TMPRSS11F: variants seen among roughly 807,000 people sequenced by gnomAD.
The protein encoded by TMPRSS11F is transmembrane protease serine 11F.
TMPRSS11F carries 47 observed loss-of-function variants against 60.2 expected under a neutral mutation model. That is an observed-to-expected ratio of 0.78 (90% CI 0.62 to 1.00). The LOEUF is 1.00. Ranked by LOEUF, TMPRSS11F falls within the 50% of genes least tolerant of loss-of-function variation. The pLI, the probability that TMPRSS11F is intolerant of heterozygous loss-of-function variation, is 0.00. For synonymous variants in TMPRSS11F, 166 were observed against 167.3 expected, an observed-to-expected ratio of 0.99 and a Z score of 0.06; for missense variants, 519 against 522.9, an observed-to-expected ratio of 0.99 and a Z score of 0.07.
intron 1 of TMPRSS11F, among the ~76,000 whole-genome samples, chr4:68,115,149 A>G (rs1724489756): frequency 6.6e-6 from 1 of 151,616 alleles, no homozygotes; most frequent in South Asian, 2.1e-4. Context: ...GGAGATCGAG[A>G]CCATCCTGGC....
chr4:68,098,791 T>C, intron 2 of TMPRSS11F, 96 bp downstream of exon 2: 1 of 1,157,704 alleles, frequency 8.6e-7, no homozygotes, highest in Non-Finnish European at 1.2e-6. Flanking sequence ...ATTAAAATGT[T>C]AATATCATGC....
chr4:68,122,877 C>T lies in TMPRSS11F; in HGVS notation c.11+6933G>A, dbSNP rs185832110. Among the ~76,000 whole-genome samples, 194 of 152,294 alleles carry T rather than the reference C, an allele frequency of 1.3e-3. 1 individual carries two copies. Among genetic ancestry groups the T allele is most frequent in the African/African-American group, 4.5e-3 (187 of 41,558 alleles). On this transcript the variant is annotated intron_variant, in intron 1 of 9. Transcript: ENST00000356291. ...GGGAATGTTAGAATGACGCTTTAGT[C>T]TGAACTCCGACTTACCATTATCAGA...
intron 2 of TMPRSS11F, among the ~76,000 whole-genome samples, chr4:68,097,270 T>C (rs189717450): frequency 1.2e-3 from 190 of 152,360 alleles, no homozygotes; most frequent in South Asian, 5.8e-3. Flanking sequence ...ATATATCATA[T>C]GTGAGTTTTA....
chr4:68,081,459 G>A (rs1162329780), intron 3 of TMPRSS11F, among the ~76,000 whole-genome samples: 1 of 152,204 alleles, frequency 6.6e-6, no homozygotes, highest in Non-Finnish European at 1.5e-5. Flanking sequence ...GCTTTGAGGT[G>A]TGGAATCTTA....
At chr4:68,094,777 A>T (rs1045071417) in intron 2 of TMPRSS11F, among the ~76,000 whole-genome samples, 2 of 151,950 alleles carry the variant, frequency 1.3e-5, no homozygotes, top group African/African-American at 2.4e-5. Context: ...ACAGCTTTAG[A>T]TAATTGGGTT....
At chr4:68,115,859 CAAAT>C (rs1357891653) in intron 1 of TMPRSS11F, among the ~76,000 whole-genome samples, 1 of 151,866 alleles carries the variant, frequency 6.6e-6, no homozygotes, top group African/African-American at 2.4e-5. Context: ...TATGAAAAAT[CAAAT>C]AAAACCTTAA....
intron 1 of TMPRSS11F, among the ~76,000 whole-genome samples, chr4:68,126,208 G>A (rs1724709694): frequency 6.6e-6 from 1 of 151,984 alleles, no homozygotes; most frequent in Non-Finnish European, 1.5e-5. Context: ...TCTGATATGT[G>A]TATATACACA....
At chr4:68,069,786 G>A (rs1048617783) in intron 6 of TMPRSS11F, among the ~76,000 whole-genome samples, 183 bp downstream of exon 6, 2 of 151,078 alleles carry the variant, frequency 1.3e-5, no homozygotes, top group African/African-American at 2.4e-5. Context: ...AATTGTATTT[G>A]GTATAAATTT....
chr4:68,128,805 C>T (rs1311828814), intron 1 of TMPRSS11F, among the ~76,000 whole-genome samples: 4 of 151,992 alleles, frequency 2.6e-5, no homozygotes, highest in South Asian at 4.2e-4. Context: ...TATGCTATAT[C>T]ATGCTATCAT....
intron 9 of TMPRSS11F, among the ~76,000 whole-genome samples, chr4:68,057,531 G>A (rs560848690): frequency 2.0e-4 from 30 of 151,972 alleles, no homozygotes; most frequent in East Asian, 1.9e-4. Flanking sequence ...AAGCTTGCAC[G>A]GCAAACAAAA....
intron 3 of TMPRSS11F, among the ~76,000 whole-genome samples, chr4:68,086,261 G>A (rs1043322340): frequency 1.3e-5 from 2 of 152,060 alleles, no homozygotes; most frequent in African/African-American, 2.4e-5. Flanking sequence ...TAAGTAACTT[G>A]CTCCTGAATT....
chr4:68,064,880 G>C lies in TMPRSS11F; in HGVS notation c.820C>G (p.Arg274Gly), dbSNP rs775849038. The change falls in exon 8 of 10, where the codon CGA (arginine) becomes GGA (glycine). Residue 274 changes from arginine (R) to glycine (G), a missense_variant. By Grantham distance (125) the Arg-to-Gly change is moderately radical. Transcript: ENST00000356291. ...GATITPPAVK[R>G]NVRKIILHEN... ...TGAAGAATAATTTTCCTCACATTTC[G>C]TTTCACTGCGGGTGGTGTTATAGTT... The C allele has an allele frequency of 5.0e-6, 8 of 1,613,996 alleles. No individual in the cohort carries two copies. Among genetic ancestry groups the C allele is most frequent in the Non-Finnish European group, 6.8e-6 (8 of 1,179,972 alleles).
intron 2 of TMPRSS11F, among the ~76,000 whole-genome samples, chr4:68,091,753 C>CTATCTATCTATCTATCTATCTA (rs373692229): frequency 1.2e-4 from 12 of 100,954 alleles, no homozygotes; most frequent in South Asian, 3.4e-4. Context: ...TCTAATCTCT[C>CTATCTATCTATCTATCTATCTA]TCTCTCTCTC....
chr4:68,109,847 G>T (rs1272277679), intron 1 of TMPRSS11F, among the ~76,000 whole-genome samples: 1 of 152,136 alleles, frequency 6.6e-6, no homozygotes, highest in Non-Finnish European at 1.5e-5. Context: ...TGAAGTTGGT[G>T]AAGTGAATTC....
At position 68,068,820 on chromosome 4, in the gene TMPRSS11F, C is replaced by T. The variant is rs201354719; in HGVS notation, c.554-1G>A. On this transcript the variant is annotated splice_acceptor_variant, in intron 6 of 9. Coordinates refer to ENST00000356291, the MANE Select transcript of TMPRSS11F (RefSeq NM_207407.2). LOFTEE classifies it high-confidence loss of function. ...GAAGATGTCATCCTTATTCCACAGC[C>T]TGCCACAGAAATACATGATCATTCA... 6.2e-7 allele frequency: 1 copy of T among 1,613,906 alleles called. No homozygotes were observed.
At chr4:68,108,311 G>A (rs990789129) in intron 1 of TMPRSS11F, among the ~76,000 whole-genome samples, 5 of 152,158 alleles carry the variant, frequency 3.3e-5, no homozygotes, top group African/African-American at 9.7e-5. Flanking sequence ...CATTTTGAAA[G>A]TAGTGACATC....
intron 1 of TMPRSS11F, among the ~76,000 whole-genome samples, chr4:68,127,661 C>A (rs914991741): frequency 6.6e-6 from 1 of 152,066 alleles, no homozygotes; most frequent in Non-Finnish European, 1.5e-5. Flanking sequence ...TATTTTTGAC[C>A]ATGACCCACG....
At chr4:68,070,562 A>G (rs1214595818) in intron 5 of TMPRSS11F, among the ~76,000 whole-genome samples, 4 of 152,204 alleles carry the variant, frequency 2.6e-5, no homozygotes, top group Non-Finnish European at 5.9e-5. Context: ...AATGGCTTGG[A>G]TGGTTGTGGC....
intron 1 of TMPRSS11F, among the ~76,000 whole-genome samples, chr4:68,127,983 C>G (rs141089730): frequency 4.2e-4 from 64 of 152,148 alleles, no homozygotes; most frequent in African/African-American, 1.5e-3. Flanking sequence ...AAACCTTCCC[C>G]ACATTTCACA....
Sources: gnomAD v4.1 joint callset for allele counts (sites outside exome capture counted in the v4.1 genomes callset) on GRCh38, gnomAD v4.1.1 for gene constraint, MANE v1.5 for transcripts, NCBI Gene and HGNC (gene_info 2026-07-23, HGNC 2026-07-21) for gene names.